Variants in NBAS observed in about 807,000 individuals in gnomAD.
NBAS encodes NAG/BC035112 fusion.
NBAS carries 219 observed loss-of-function variants against 302.5 expected under a neutral mutation model. The observed-to-expected ratio is 0.72, with a 90% CI of 0.65 to 0.81. The LOEUF is 0.81. NBAS is among the 30% of genes least tolerant of loss of function. The probability of loss-of-function intolerance (pLI) is 0.00; values close to 1 mark genes in which losing one functional copy is unlikely to be tolerated. For synonymous variants in NBAS, 1,118 were observed against 1,021.6 expected (o/e 1.09, Z -1.80); for missense variants, 2,932 against 2,841.6 (o/e 1.03, Z -0.72).
the NBAS span, among the ~76,000 whole-genome samples, chr2:14,793,275 GT>G: frequency 6.6e-6 from 1 of 152,110 alleles, no homozygotes; most frequent in East Asian, 1.9e-4. Flanking sequence ...GGCAGCATGA[GT>G]TGATTAAAAC....
chr2:15,500,461 G>T (rs1027279491), intron 11 of NBAS, among the ~76,000 whole-genome samples: 1 of 148,894 alleles, frequency 6.7e-6, no homozygotes. Flanking sequence ...CCACCCTCAA[G>T]AAGTTTACTA....
intron 40 of NBAS, among the ~76,000 whole-genome samples, chr2:15,299,380 A>G (rs191151672): frequency 6.6e-6 from 1 of 152,210 alleles, no homozygotes; most frequent in East Asian, 1.9e-4. Flanking sequence ...ATGACAACAA[A>G]ATGCTCAATG....
chr2:15,212,723 G>A (rs1340001008), intron 48 of NBAS, among the ~76,000 whole-genome samples: 1 of 152,186 alleles, frequency 6.6e-6, no homozygotes, highest in East Asian at 1.9e-4. Context: ...GTTCTCACAA[G>A]ATCTGATGGT....
the NBAS span, among the ~76,000 whole-genome samples, chr2:15,115,962 G>T: frequency 2.6e-5 from 4 of 152,190 alleles, no homozygotes; most frequent in Admixed American, 6.5e-5. Context: ...TTCCTCATTT[G>T]TGGGGATGAA....
the NBAS span, among the ~76,000 whole-genome samples, chr2:15,133,880 T>C: frequency 6.2e-4 from 94 of 152,278 alleles, no homozygotes; most frequent in African/African-American, 2.2e-3. Context: ...TCACTCTTTA[T>C]GAATGTAGAG....
rs151187296 is a variant in NBAS at position 15,240,939 on chromosome 2, T to C, written c.5725-2253A>G. ...GTTCAACAGACCACCCCTCCCTTCA[T>C]ACATGTAGATGAAGAGACTGAGCTC... On this transcript the variant is annotated intron_variant, in intron 44 of 51. Coordinates refer to ENST00000281513, the MANE Select transcript of NBAS (RefSeq NM_015909.4). Among the ~76,000 whole-genome samples the C allele has an allele frequency of 3.0e-4, 45 of 152,194 alleles. No homozygotes were observed. The East Asian group carries it at 6.6e-3, about 22-fold the overall frequency.
At chr2:14,879,807 G>A in the NBAS span, among the ~76,000 whole-genome samples, 417 of 152,314 alleles carry the variant, frequency 2.7e-3, 3 homozygotes, top group African/African-American at 7.8e-3. Flanking sequence ...AGAGAATGGG[G>A]AGACAGACTT....
chr2:15,401,962 T>A (rs904276210), intron 26 of NBAS, among the ~76,000 whole-genome samples: 1 of 152,086 alleles, frequency 6.6e-6, no homozygotes, highest in Non-Finnish European at 1.5e-5. Flanking sequence ...ATAATTACAG[T>A]TGAACAAAAT....
At chr2:15,202,660 C>T (rs1022622642) in intron 48 of NBAS, among the ~76,000 whole-genome samples, 2 of 152,142 alleles carry the variant, frequency 1.3e-5, no homozygotes, top group African/African-American at 4.8e-5. Context: ...CTGCCTCAGC[C>T]TCCCGAGTAG....
the NBAS span, among the ~76,000 whole-genome samples, chr2:14,886,000 A>G: frequency 6.6e-6 from 1 of 152,214 alleles, no homozygotes; most frequent in East Asian, 1.9e-4. Context: ...GAAGTTTGCT[A>G]TGTAGAAAAG....
chr2:15,553,797 C>CT (rs1558434775), intron 4 of NBAS, among the ~76,000 whole-genome samples: 52 of 113,024 alleles, frequency 4.6e-4, no homozygotes, highest in South Asian at 2.4e-3. Flanking sequence ...TCCCTCCCTC[C>CT]CTCTCTCCCT....
the NBAS span, among the ~76,000 whole-genome samples, chr2:14,821,723 C>A: frequency 6.6e-6 from 1 of 151,928 alleles, no homozygotes; most frequent in Non-Finnish European, 1.5e-5. Flanking sequence ...TTAGATACAT[C>A]CAAAATGGGC....
chr2:15,525,439 C>A (rs538749287), intron 9 of NBAS, among the ~76,000 whole-genome samples: 1 of 152,278 alleles, frequency 6.6e-6, no homozygotes, highest in South Asian at 2.1e-4. Context: ...CAACCAAGAA[C>A]AGAATTCAGG....
chr2:15,269,070 G>A (rs1669201674), intron 44 of NBAS, among the ~76,000 whole-genome samples: 2 of 152,098 alleles, frequency 1.3e-5, no homozygotes, highest in African/African-American at 4.8e-5. Context: ...AACAAAAGTG[G>A]CACATGAGTG....
chr2:14,824,234 G>A, the NBAS span, among the ~76,000 whole-genome samples: 6 of 152,172 alleles, frequency 3.9e-5, no homozygotes, highest in Non-Finnish European at 8.8e-5. Flanking sequence ...TTCAGACTGT[G>A]CAACAAAATA....
the NBAS span, among the ~76,000 whole-genome samples, chr2:14,859,654 T>C: frequency 2.0e-5 from 3 of 152,042 alleles, no homozygotes; most frequent in African/African-American, 7.2e-5. Flanking sequence ...GAAACTAGCC[T>C]CCTGTCTCTC....
At chr2:15,491,139 G>A (rs916879611) in intron 11 of NBAS, among the ~76,000 whole-genome samples, 2 of 152,186 alleles carry the variant, frequency 1.3e-5, no homozygotes, top group Non-Finnish European at 2.9e-5. Context: ...GTTAGCATCT[G>A]AGAAAACATC....
chr2:14,881,491 C>T, the NBAS span, among the ~76,000 whole-genome samples: 1 of 152,204 alleles, frequency 6.6e-6, no homozygotes, highest in Non-Finnish European at 1.5e-5. Context: ...CAAATCTGCA[C>T]ATGTACCGCC....
intron 38 of NBAS, 107 bp downstream of exon 38, chr2:15,327,643 A>G: frequency 7.2e-7 from 1 of 1,381,604 alleles, no homozygotes; most frequent in East Asian, 2.3e-5. Flanking sequence ...GCAATTCAAA[A>G]TTACTGAAAA....
Sources: gnomAD v4.1 joint callset for allele counts (sites outside exome capture counted in the v4.1 genomes callset) on GRCh38, gnomAD v4.1.1 for gene constraint, MANE v1.5 for transcripts, NCBI Gene and HGNC (gene_info 2026-07-23, HGNC 2026-07-21) for gene names.